Variants in TTLL5 observed in about 807,000 individuals in gnomAD.
TTLL5 encodes tubulin tyrosine ligase like 5.
In TTLL5, 132 loss-of-function variants were observed where a neutral mutation model predicts 168.4. The ratio of observed to expected loss-of-function variants is 0.78; its 90% CI spans 0.68 to 0.91. The LOEUF (loss-of-function observed/expected upper bound fraction) is 0.91. Among genes scored for constraint, TTLL5 ranks in the 40% least tolerant of loss-of-function variants. The pLI, the probability that TTLL5 is intolerant of heterozygous loss-of-function variation, is 0.00. For synonymous variants in TTLL5, 546 were observed against 558.6 expected (o/e 0.98, Z 0.32); for missense variants, 1,545 against 1,581.5 (o/e 0.98, Z 0.39).
chr14:75,947,680 C>G (rs2034817854), intron 31 of TTLL5, among the ~76,000 whole-genome samples: 1 of 152,118 alleles, frequency 6.6e-6, no homozygotes. Context: ...CATAGTGGTT[C>G]ACACCCATAA....
intron 31 of TTLL5, among the ~76,000 whole-genome samples, chr14:75,902,850 T>C (rs1032016007): frequency 2.6e-5 from 4 of 152,254 alleles, no homozygotes; most frequent in African/African-American, 9.6e-5. Flanking sequence ...TATTTATTAT[T>C]GAGTACCTAC....
intron 28 of TTLL5, among the ~76,000 whole-genome samples, chr14:75,834,994 G>A (rs569501940): frequency 6.6e-6 from 1 of 152,298 alleles, no homozygotes; most frequent in South Asian, 2.1e-4. Flanking sequence ...CTTGAGCCCA[G>A]GAGGTTGAGG....
At chr14:75,913,202 G>A (rs2033460365) in intron 31 of TTLL5, among the ~76,000 whole-genome samples, 1 of 152,144 alleles carries the variant, frequency 6.6e-6, no homozygotes, top group Non-Finnish European at 1.5e-5. Flanking sequence ...GCTCTATCAT[G>A]TGGCATGTTG....
At chr14:75,799,561 C>T (rs1287642032) in intron 27 of TTLL5, among the ~76,000 whole-genome samples, 1 of 152,024 alleles carries the variant, frequency 6.6e-6, no homozygotes, top group Non-Finnish European at 1.5e-5. Context: ...GTTTTATAGG[C>T]CCTGTAGGAT....
intron 31 of TTLL5, among the ~76,000 whole-genome samples, chr14:75,942,344 G>A (rs1343116230): frequency 4.6e-5 from 7 of 152,136 alleles, no homozygotes; most frequent in Admixed American, 4.6e-4. Context: ...CACCCATAGG[G>A]TAACAGCGCT....
At chr14:75,817,094 C>T (rs1487061078) in intron 27 of TTLL5, among the ~76,000 whole-genome samples, 1 of 150,990 alleles carries the variant, frequency 6.6e-6, no homozygotes, top group African/African-American at 2.4e-5. Context: ...ATTCTCCTGC[C>T]TCAGTTTCCT....
chr14:75,948,915 A>G (rs1433037970), intron 31 of TTLL5, among the ~76,000 whole-genome samples: 1 of 152,206 alleles, frequency 6.6e-6, no homozygotes, highest in Non-Finnish European at 1.5e-5. Context: ...TATTCCTTTA[A>G]TTATTATGGA....
intron 29 of TTLL5, among the ~76,000 whole-genome samples, chr14:75,877,903 T>C (rs2031586429): frequency 1.3e-5 from 2 of 152,248 alleles, no homozygotes; most frequent in South Asian, 4.1e-4. Context: ...TTTAACATTG[T>C]CTGAGTGTGT....
chr14:75,912,255 G>C (rs1266032044), intron 31 of TTLL5, among the ~76,000 whole-genome samples: 1 of 152,090 alleles, frequency 6.6e-6, no homozygotes, highest in African/African-American at 2.4e-5. Context: ...AAGTGCCCCT[G>C]GTGGGCAGAG....
chr14:75,940,580 C>T (rs2034570126), intron 31 of TTLL5, among the ~76,000 whole-genome samples: 1 of 152,086 alleles, frequency 6.6e-6, no homozygotes, highest in African/African-American at 2.4e-5. Flanking sequence ...TTTTAGTCAG[C>T]CTTAAAATTT....
In TTLL5 at chr14:75,696,357, A is replaced by T. The variant is rs530100456; in HGVS notation, c.503-2831A>T. 5.9e-5 allele frequency among the ~76,000 whole-genome samples: 9 copies of T among 152,316 alleles called. No homozygotes were observed. In the South Asian group the frequency reaches 1.9e-3, roughly 32 times the overall value. Reference sequence around the variant, plus strand: ...TGTGCGCCCCACACCTAGCAAACTGATGGACACAGATTAGATACTTAGAGG... The same window carrying T: ...TGTGCGCCCCACACCTAGCAAACTGTTGGACACAGATTAGATACTTAGAGG... On this transcript the variant is annotated intron_variant, in intron 6 of 31. Coordinates refer to ENST00000298832, the MANE Select transcript of TTLL5 (RefSeq NM_015072.5).
intron 31 of TTLL5, among the ~76,000 whole-genome samples, chr14:75,947,789 G>A (rs775761073): frequency 5.9e-5 from 9 of 151,878 alleles, no homozygotes; most frequent in African/African-American, 2.2e-4. Context: ...CAAAAAAATC[G>A]AAAAATTAGC....
At chr14:75,792,691 CAT>C (rs964552751) in intron 26 of TTLL5, among the ~76,000 whole-genome samples, 49 of 152,232 alleles carry the variant, frequency 3.2e-4, no homozygotes, top group South Asian at 1.7e-3. Flanking sequence ...TAAGCAAAAA[CAT>C]ATTAATAAAT....
chr14:75,887,010 C>G (rs778011740), intron 30 of TTLL5: 73 of 1,357,388 alleles, frequency 5.4e-5, no homozygotes, highest in Non-Finnish European at 6.6e-5. Context: ...AACTGCAGTA[C>G]TTTTCCTTAA....
rs753083795 is a variant in TTLL5, at chr14:75,699,269, A to G, written c.584A>G (p.Asn195Ser). 1.9e-6 allele frequency: 3 copies of G among 1,613,512 alleles called. No homozygotes were observed. The highest frequency in any genetic ancestry group is 1.3e-5 in the African/African-American group (1 of 74,896). The change falls in exon 7 of 32, where the codon AAT (asparagine) becomes AGT (serine). Residue 195 changes from asparagine (N) to serine (S), a missense_variant and splice_region_variant. Transcript: ENST00000298832. ...GGGCGGGGCGTCTACCTGATCAACAATGTAAGTATGCAGCAGATGGCAAAC... is the reference window on the plus strand; with the variant it reads ...GGGCGGGGCGTCTACCTGATCAACAGTGTAAGTATGCAGCAGATGGCAAAC... ...SRGRGVYLIN[N>S]PNQISLEENI...
Position 75,764,744 on chromosome 14 carries a change from A to G in TTLL5, c.1680A>G (p.Arg560=). The G allele has an allele frequency of 6.2e-7, 1 of 1,614,150 alleles. No individual in the cohort carries two copies. The highest frequency in any genetic ancestry group is 8.5e-7 in the Non-Finnish European group (1 of 1,179,996). The change falls in exon 19 of 32, where the codon AGA becomes AGG. Residue 560 remains arginine (R), a synonymous_variant. Transcript: ENST00000298832. ...GAAAACGTAGACGACGGAGTAGCAG[A>G]TTGAGGGCAATGAGGCCAAAATACC... The part of the protein sequence containing the change: ...EVRKRRRRSS[R]LRAMRPKYPV...
chr14:75,670,911 TC>T (rs1483837365), intron 3 of TTLL5, among the ~76,000 whole-genome samples: 14 of 152,224 alleles, frequency 9.2e-5, no homozygotes, highest in Admixed American at 3.9e-4. Flanking sequence ...TTTGATGACA[TC>T]CAGTTTATCT....
chr14:75,734,757 A>G (rs1412975457), intron 14 of TTLL5, among the ~76,000 whole-genome samples: 1 of 152,242 alleles, frequency 6.6e-6, no homozygotes, highest in African/African-American at 2.4e-5. Flanking sequence ...CACCTTCTGC[A>G]GTTCCAGAAG....
intron 10 of TTLL5, among the ~76,000 whole-genome samples, chr14:75,719,080 G>A (rs1366988681): frequency 6.6e-6 from 1 of 152,142 alleles, no homozygotes; most frequent in Non-Finnish European, 1.5e-5. Context: ...CCAGATTGCG[G>A]GGCTCTTCCA....
Sources: gnomAD v4.1 joint callset for allele counts (sites outside exome capture counted in the v4.1 genomes callset) on GRCh38, gnomAD v4.1.1 for gene constraint, MANE v1.5 for transcripts, NCBI Gene and HGNC (gene_info 2026-07-23, HGNC 2026-07-21) for gene names.